Variants in ZNF407 observed in about 807,000 individuals in gnomAD.
ZNF407 encodes zinc finger protein 407.
A neutral mutation model predicts 131.2 loss-of-function variants in ZNF407; 17 were observed. That is an observed-to-expected ratio of 0.13 (90% CI 0.09 to 0.19). ZNF407 has a LOEUF of 0.19. Among genes scored for constraint, ZNF407 ranks in the 10% least tolerant of loss-of-function variants. The pLI is 1.00. For missense variants in ZNF407, 2,681 were observed against 2,830.6 expected, an observed-to-expected ratio of 0.95 and a Z score of 1.20; for synonymous variants, 1,156 against 1,062.0, an observed-to-expected ratio of 1.09 and a Z score of -1.72.
At chr18:74,778,443 T>C (rs2145019112) in intron 3 of ZNF407, among the ~76,000 whole-genome samples, 1 of 152,314 alleles carries the variant, frequency 6.6e-6, no homozygotes, top group South Asian at 2.1e-4. Context: ...TTCTGTAATT[T>C]ATTCTCCTAC....
At chr18:75,002,463 C>T (rs1321004783) in intron 8 of ZNF407, among the ~76,000 whole-genome samples, 1 of 152,080 alleles carries the variant, frequency 6.6e-6, no homozygotes, top group Non-Finnish European at 1.5e-5. Context: ...CAGCAGGACC[C>T]GGGATGACTC....
chr18:74,806,214 C>T (rs1273166873), intron 4 of ZNF407, among the ~76,000 whole-genome samples: 1 of 152,212 alleles, frequency 6.6e-6, no homozygotes, highest in Non-Finnish European at 1.5e-5. Flanking sequence ...CTTGGCTAGG[C>T]CGCGCCCCTT....
intron 3 of ZNF407, among the ~76,000 whole-genome samples, chr18:74,770,882 A>C (rs1441169667): frequency 6.6e-6 from 1 of 152,206 alleles, no homozygotes; most frequent in East Asian, 1.9e-4. Flanking sequence ...GAGAGGTGTG[A>C]AATTTAAGAA....
At chr18:74,917,952 T>C (rs903606145) in intron 7 of ZNF407, among the ~76,000 whole-genome samples, 10 of 152,168 alleles carry the variant, frequency 6.6e-5, no homozygotes, top group Non-Finnish European at 1.5e-4. Context: ...CAATGGTGAA[T>C]TTAGGAGGTG....
Position 74,974,958 on chromosome 18 carries a change from C to T in ZNF407, c.5428+54266C>T, listed in dbSNP as rs572964171. 3.3e-5 allele frequency among the ~76,000 whole-genome samples: 5 copies of T among 152,290 alleles called. No homozygotes were observed. In the South Asian group the frequency reaches 8.3e-4, roughly 25 times the overall value. On this transcript the variant is annotated intron_variant, in intron 8 of 8. Transcript: ENST00000299687. ...ATATTAGTGAAATCTTAGTTGATAT[C>T]GATCTACTGATTTTTATGTACACTG...
intron 8 of ZNF407, among the ~76,000 whole-genome samples, chr18:74,972,253 G>A (rs1355339191): frequency 2.0e-5 from 3 of 152,016 alleles, no homozygotes; most frequent in Non-Finnish European, 2.9e-5. Context: ...TTCTCACTCC[G>A]ATTTTACTTT....
intron 3 of ZNF407, among the ~76,000 whole-genome samples, chr18:74,760,138 T>A (rs1185171837): frequency 1.3e-5 from 2 of 152,188 alleles, no homozygotes; most frequent in Non-Finnish European, 2.9e-5. Flanking sequence ...ACGTCTGTAT[T>A]CTTTGTCATG....
intron 3 of ZNF407, among the ~76,000 whole-genome samples, chr18:74,658,267 C>T (rs1201750508): frequency 1.3e-5 from 2 of 151,952 alleles, no homozygotes; most frequent in African/African-American, 2.4e-5. Context: ...TACAGGAATG[C>T]GCCACCATGC....
At chr18:74,937,756 A>G (rs1278047147) in intron 8 of ZNF407, among the ~76,000 whole-genome samples, 2 of 152,220 alleles carry the variant, frequency 1.3e-5, no homozygotes, top group Non-Finnish European at 2.9e-5. Context: ...TTGCTTAGCA[A>G]AATACAATTT....
In ZNF407 at chr18:75,039,901, A is replaced by G. The variant is rs1323196522; in HGVS notation, c.5429-23249A>G. Among the ~76,000 whole-genome samples the G allele has an allele frequency of 2.0e-5, 3 of 151,956 alleles. No homozygotes were observed. In the South Asian group the frequency reaches 6.2e-4, roughly 32 times the overall value. ...TTGGTTCAATCTCAGTTTTCTCATA[A>G]GCGGAATTTCTTGTTTTCAAGCTAT... On this transcript the variant is annotated intron_variant, in intron 8 of 8. Coordinates refer to ENST00000299687, the MANE Select transcript of ZNF407 (RefSeq NM_017757.3).
intron 4 of ZNF407, among the ~76,000 whole-genome samples, chr18:74,789,987 G>A (rs1266519271): frequency 1.3e-5 from 2 of 151,632 alleles, no homozygotes; most frequent in East Asian, 3.9e-4. Context: ...CCTGGCCACT[G>A]TCTTCTGTGA....
chr18:74,808,708 A>AT (rs140522793), intron 4 of ZNF407, among the ~76,000 whole-genome samples: 25,760 of 151,936 alleles, frequency 0.17, 2,556 homozygotes, highest in Non-Finnish European at 0.23. Context: ...GATCAATTAC[A>AT]TTTTTTTTAA....
chr18:74,799,888 G>A (rs1599162812), intron 4 of ZNF407, among the ~76,000 whole-genome samples: 1 of 129,140 alleles, frequency 7.7e-6, no homozygotes, highest in Non-Finnish European at 1.6e-5. Context: ...TATTGCCGTT[G>A]TTGAAAAAAA....
At chr18:74,601,533 G>A (rs923679590) in intron 1 of ZNF407, among the ~76,000 whole-genome samples, 1 of 152,186 alleles carries the variant, frequency 6.6e-6, no homozygotes, top group Non-Finnish European at 1.5e-5. Context: ...CTGGCTCGCG[G>A]TTCTGCAGGC....
intron 8 of ZNF407, among the ~76,000 whole-genome samples, chr18:74,987,506 TCTCTATTGATCGGG>T (rs1169867446): frequency 6.6e-6 from 1 of 152,174 alleles, no homozygotes; most frequent in Admixed American, 6.5e-5. Context: ...ATCACAGGCT[TCTCTATTGATCGGG>T]CTCTGTTTAA....
At chr18:75,024,938 A>C (rs901691489) in intron 8 of ZNF407, among the ~76,000 whole-genome samples, 1 of 152,208 alleles carries the variant, frequency 6.6e-6, no homozygotes, top group South Asian at 2.1e-4. Flanking sequence ...AACGAAGACT[A>C]TTTCCATCTG....
chr18:74,636,831 A>G (rs1028062649), intron 2 of ZNF407, among the ~76,000 whole-genome samples: 2 of 152,256 alleles, frequency 1.3e-5, no homozygotes, highest in Non-Finnish European at 2.9e-5. Flanking sequence ...TTTTTGGGGA[A>G]TAAGTCCAAA....
At chr18:74,900,340 A>G (rs1184150731) in intron 7 of ZNF407, among the ~76,000 whole-genome samples, 1 of 152,126 alleles carries the variant, frequency 6.6e-6, no homozygotes, top group Non-Finnish European at 1.5e-5. Context: ...TTTTGGGGGT[A>G]CTGCATGGCA....
chr18:75,020,625 G>A (rs1202500660), intron 8 of ZNF407, among the ~76,000 whole-genome samples: 2 of 152,044 alleles, frequency 1.3e-5, no homozygotes, highest in African/African-American at 4.8e-5. Flanking sequence ...AAACTGAAGA[G>A]TCTTTCTATA....
Sources: allele counts gnomAD v4.1 joint callset (sites outside exome capture counted in the v4.1 genomes callset), GRCh38; gene constraint gnomAD v4.1.1; transcripts MANE v1.5; gene names NCBI Gene and HGNC (gene_info 2026-07-23, HGNC 2026-07-21).